Variants in VPS35L observed in about 807,000 individuals in gnomAD.
VPS35L encodes the protein VPS35 endosomal protein-sorting factor-like.
VPS35L carries 83 observed loss-of-function variants against 133.0 expected under a neutral mutation model. That is an observed-to-expected ratio of 0.62 (90% CI 0.52 to 0.75). The LOEUF is 0.75. VPS35L is among the 30% of genes least tolerant of loss of function. The pLI, the probability that VPS35L is intolerant of heterozygous loss-of-function variation, is 0.00. For synonymous variants in VPS35L, 423 were observed against 449.9 expected (o/e 0.94, Z 0.76); for missense variants, 1,083 against 1,206.8 (o/e 0.90, Z 1.52).
chr16:19,585,372 G>A (rs1431321909), intron 7 of VPS35L, among the ~76,000 whole-genome samples: 1 of 151,252 alleles, frequency 6.6e-6, no homozygotes, highest in East Asian at 1.9e-4. Flanking sequence ...TCTGACACTC[G>A]GTATTGTCCA....
intron 14 of VPS35L, chr16:19,618,168 A>G (rs1332245829): frequency 6.6e-6 from 1 of 151,976 alleles, no homozygotes; most frequent in Admixed American, 6.6e-5. Context: ...AAGAGAGACT[A>G]CAAAACAAGG....
chr16:19,630,671 G>C (rs1973425906), intron 18 of VPS35L, among the ~76,000 whole-genome samples: 1 of 152,108 alleles, frequency 6.6e-6, no homozygotes, highest in Admixed American at 6.6e-5. Flanking sequence ...GCTATGGTCT[G>C]AATGTCTGTG....
intron 24 of VPS35L, among the ~76,000 whole-genome samples, chr16:19,648,985 CT>C (rs1258757576): frequency 6.6e-6 from 1 of 150,608 alleles, no homozygotes; most frequent in Non-Finnish European, 1.5e-5. Context: ...AAAAATAATA[CT>C]TTTTTTTCCT....
chr16:19,630,326 GTTTTTTTTTTTTT>G (rs201807727), intron 18 of VPS35L, among the ~76,000 whole-genome samples: 4 of 106,516 alleles, frequency 3.8e-5, no homozygotes, highest in African/African-American at 7.4e-5. Context: ...AGTCCTAAAA[GTTTTTTTTTTTTT>G]TTTTTTTTTT....
At chr16:19,601,386 A>G (rs1972378050) in intron 8 of VPS35L, among the ~76,000 whole-genome samples, 1 of 152,184 alleles carries the variant, frequency 6.6e-6, no homozygotes, top group Admixed American at 6.6e-5. Context: ...AGTGTGGACC[A>G]TCGTCTGAGT....
rs146527703 is a variant in VPS35L, at chr16:19,598,221, A to C, written c.725-3443A>C. On this transcript the variant is annotated intron_variant, in intron 8 of 30. Transcript: ENST00000417362. ...TTAAATGAGAGGATTCATAGGAAGT[A>C]TAATGTCTTTCCTTTTCTAAGAGCT... Among the ~76,000 whole-genome samples, 1,086 of 152,306 alleles carry C rather than the reference A, an allele frequency of 7.1e-3. 61 individuals are homozygous for C. Among genetic ancestry groups the C allele is most frequent in the Admixed American group, 0.064 (981 of 15,278 alleles).
In VPS35L at chr16:19,645,049, T is replaced by G. The variant is rs902073937; in HGVS notation, c.1929+100T>G. ...GTTAACATTATGTTCTCTGGTGCTT[T>G]TCATTCTTAGTGAGATAAAATGAAA... On this transcript the variant is annotated intron_variant, in intron 23 of 30. Coordinates refer to ENST00000417362, the MANE Select transcript of VPS35L (RefSeq NM_020314.7). The G allele has an allele frequency of 6.4e-6, 5 of 784,108 alleles. No homozygotes were observed. In the African/African-American group the frequency reaches 7.0e-5, roughly 11 times the overall value. 48.6% of individuals were successfully genotyped at this position (784,108 alleles called of 1,614,324 possible).
At chr16:19,629,145 T>C (rs899563486) in intron 17 of VPS35L, among the ~76,000 whole-genome samples, 2 of 152,096 alleles carry the variant, frequency 1.3e-5, no homozygotes, top group Middle Eastern at 3.2e-3. Context: ...AAAATTACCC[T>C]TCCAAGCTGA....
intron 27 of VPS35L, among the ~76,000 whole-genome samples, chr16:19,675,250 CTTT>C (rs61213469): frequency 4.5e-4 from 64 of 141,144 alleles, no homozygotes; most frequent in Middle Eastern, 3.6e-3. Flanking sequence ...TGCACCCAGT[CTTT>C]TTTTTTTTTT....
rs190962381 is a variant in VPS35L, at chr16:19,624,300, T to C, written c.1225-1877T>C. 4.0e-5 allele frequency among the ~76,000 whole-genome samples: 6 copies of C among 151,586 alleles called. No individual in the cohort carries two copies. In the East Asian group the frequency reaches 1.2e-3, roughly 30 times the overall value. Reference sequence around the variant, plus strand: ...CCAGCTAATTTTTTAAAAAATTTTATGACTGGGCGCGGTGGCTCACTCCTG... The same window carrying C: ...CCAGCTAATTTTTTAAAAAATTTTACGACTGGGCGCGGTGGCTCACTCCTG... On this transcript the variant is annotated intron_variant, in intron 14 of 30. Coordinates refer to ENST00000417362, the MANE Select transcript of VPS35L (RefSeq NM_020314.7).
intron 9 of VPS35L, among the ~76,000 whole-genome samples, chr16:19,604,609 G>A (rs923374166): frequency 1.3e-5 from 2 of 152,140 alleles, no homozygotes; most frequent in Non-Finnish European, 2.9e-5. Flanking sequence ...GTTTTTCAAA[G>A]TTGTTGGTGA....
At chr16:19,568,962 G>A (rs1235904640) in intron 2 of VPS35L, among the ~76,000 whole-genome samples, 1 of 152,096 alleles carries the variant, frequency 6.6e-6, no homozygotes, top group Non-Finnish European at 1.5e-5. Context: ...TAACTTTTAT[G>A]AGGTGTTCAA....
rs946908975 is a variant in VPS35L, at chr16:19,610,169, T to C, written c.930-153T>C. 3.3e-5 allele frequency among the ~76,000 whole-genome samples: 5 copies of C among 152,216 alleles called. No homozygotes were observed. In the South Asian group the frequency reaches 6.2e-4, roughly 19 times the overall value. On this transcript the variant is annotated intron_variant, in intron 11 of 30. Coordinates refer to ENST00000417362, the MANE Select transcript of VPS35L (RefSeq NM_020314.7). Reference sequence around the variant, plus strand: ...GAGAAAGACTGTTGTTACATTGCCTTAGAAAACTGAAACTTTGACCTTGGT... The same window carrying C: ...GAGAAAGACTGTTGTTACATTGCCTCAGAAAACTGAAACTTTGACCTTGGT...
intron 1 of VPS35L, among the ~76,000 whole-genome samples, chr16:19,557,649 C>G (rs1160387117): frequency 2.0e-5 from 3 of 152,090 alleles, no homozygotes; most frequent in African/African-American, 7.2e-5. Flanking sequence ...TCCCAAAGTG[C>G]TGGGATTACA....
chr16:19,679,484 T>A (rs1365706450), intron 27 of VPS35L, among the ~76,000 whole-genome samples: 7 of 120,278 alleles, frequency 5.8e-5, no homozygotes, highest in African/African-American at 2.9e-4. Context: ...TATTTATTTA[T>A]TTATTTATTT....
chr16:19,578,786 A>G, intron 5 of VPS35L: 1 of 491,586 alleles, frequency 2.0e-6, no homozygotes, highest in Non-Finnish European at 3.7e-6. Flanking sequence ...GATGATACAG[A>G]GCAAAGTTTG....
intron 23 of VPS35L, among the ~76,000 whole-genome samples, chr16:19,646,053 T>TTC (rs561830359): frequency 2.2e-4 from 34 of 152,238 alleles, no homozygotes; most frequent in Middle Eastern, 3.4e-3. Context: ...GTGTTGGGAT[T>TTC]ACAGGCCTGA....
At chr16:19,678,407 G>T (rs995539057) in intron 27 of VPS35L, among the ~76,000 whole-genome samples, 1 of 149,274 alleles carries the variant, frequency 6.7e-6, no homozygotes, top group Non-Finnish European at 1.5e-5. Context: ...ATCCAGAACC[G>T]TTTTCTTTGT....
At chr16:19,592,663 T>C (rs1049413296) in intron 8 of VPS35L, among the ~76,000 whole-genome samples, 1 of 151,882 alleles carries the variant, frequency 6.6e-6, no homozygotes, top group Non-Finnish European at 1.5e-5. Flanking sequence ...CCAGCATGTC[T>C]ATTTTTTTCT....
Sources: allele counts gnomAD v4.1 joint callset (sites outside exome capture counted in the v4.1 genomes callset), GRCh38; gene constraint gnomAD v4.1.1; transcripts MANE v1.5; gene names NCBI Gene and HGNC (gene_info 2026-07-23, HGNC 2026-07-21).